Variants in ANKS1B observed in about 807,000 individuals in gnomAD.
The protein encoded by ANKS1B is ankyrin repeat and sterile alpha motif domain containing 1B, also known as ankyrin repeat and sterile alpha motif domain-containing protein 1B.
In ANKS1B, 36 loss-of-function variants were observed where a neutral mutation model predicts 148.3. That is an observed-to-expected ratio of 0.24 (90% CI 0.19 to 0.32). The LOEUF (loss-of-function observed/expected upper bound fraction) is 0.32, where lower values mean the gene tolerates loss of function less well. Ranked by LOEUF, ANKS1B falls within the 10% of genes least tolerant of loss-of-function variation. The pLI is 1.00. For synonymous variants in ANKS1B, 542 were observed against 560.8 expected, an observed-to-expected ratio of 0.97 and a Z score of 0.47; for missense variants, 1,157 against 1,542.6, an observed-to-expected ratio of 0.75 and a Z score of 4.19.
chr12:99,493,352 A>G (rs11610344), intron 10 of ANKS1B, among the ~76,000 whole-genome samples: 27,806 of 152,134 alleles, frequency 0.18, 2,637 homozygotes, highest in African/African-American at 0.23. Flanking sequence ...TCTACAAAGA[A>G]GATACAATCT....
At chr12:99,333,854 G>GTTTTTTT (rs10526476) in intron 12 of ANKS1B, among the ~76,000 whole-genome samples, 2,456 of 107,294 alleles carry the variant, frequency 0.023, 261 homozygotes, top group African/African-American at 0.093. Context: ...CCAGTTCTCA[G>GTTTTTTT]TTTTTTTTTT....
chr12:99,053,018 G>T, intron 17 of ANKS1B, 139 bp downstream of exon 17: 1 of 757,530 alleles, frequency 1.3e-6, no homozygotes, highest in Non-Finnish European at 2.0e-6. Flanking sequence ...TGACTCTGGA[G>T]CTTGAGAGAG....
At chr12:98,826,530 G>C (rs1312719997) in intron 19 of ANKS1B, among the ~76,000 whole-genome samples, 1 of 151,928 alleles carries the variant, frequency 6.6e-6, no homozygotes, top group East Asian at 1.9e-4. Flanking sequence ...TTCTGGCCCA[G>C]GGCTAGAATT....
At chr12:99,659,077 T>C (rs1357008625) in intron 8 of ANKS1B, among the ~76,000 whole-genome samples, 2 of 152,182 alleles carry the variant, frequency 1.3e-5, no homozygotes, top group African/African-American at 2.4e-5. Context: ...AATATCAAGA[T>C]TGCCATTTTA....
chr12:99,508,903 T>G (rs1033786526), intron 9 of ANKS1B, among the ~76,000 whole-genome samples: 2 of 151,920 alleles, frequency 1.3e-5, no homozygotes, highest in Non-Finnish European at 2.9e-5. Context: ...TAAAGATTTA[T>G]GGCAACCGGG....
At chr12:99,083,983 T>A (rs1268919493) in intron 16 of ANKS1B, 1 of 152,170 alleles carries the variant, frequency 6.6e-6, no homozygotes, top group Non-Finnish European at 1.5e-5. Context: ...TGCCTCTTCC[T>A]TTAGGCTACT....
chr12:99,604,095 A>G (rs1328513315), intron 9 of ANKS1B, among the ~76,000 whole-genome samples: 2 of 152,138 alleles, frequency 1.3e-5, no homozygotes, highest in Non-Finnish European at 2.9e-5. Context: ...GCAATTAACT[A>G]TAGACAAGAC....
chr12:99,035,433 T>C (rs1379537376), intron 17 of ANKS1B, among the ~76,000 whole-genome samples: 2 of 152,188 alleles, frequency 1.3e-5, no homozygotes, highest in Admixed American at 6.5e-5. Flanking sequence ...TCACTCAGTC[T>C]ATTAGCATTA....
intron 1 of ANKS1B, among the ~76,000 whole-genome samples, chr12:99,847,417 AC>A (rs1266958537): frequency 1.3e-5 from 2 of 152,170 alleles, no homozygotes; most frequent in African/African-American, 4.8e-5. Context: ...TCTGTGTACA[AC>A]CTGGCCATCA....
At chr12:99,381,943 G>A (rs911990999) in intron 12 of ANKS1B, among the ~76,000 whole-genome samples, 2 of 152,098 alleles carry the variant, frequency 1.3e-5, no homozygotes, top group Non-Finnish European at 2.9e-5. Context: ...CTAAATTATG[G>A]CAAAGCAACT....
At position 99,214,643 on chromosome 12, in the gene ANKS1B, T is replaced by C. The variant is rs4520688; in HGVS notation, c.2419+29699A>G. Among the ~76,000 whole-genome samples, 836 of 152,310 alleles carry C rather than the reference T, an allele frequency of 5.5e-3. 48 individuals carry two copies. In the East Asian group the frequency reaches 0.11, roughly 20 times the overall value. The stretch of plus-strand genomic sequence containing the variant: ...CTTTTGCTTTATAAATTACCCAGTC[T>C]CATAGCAGTATGAAAATGGGCTAAT... On this transcript the variant is annotated intron_variant, in intron 14 of 26. Transcript: ENST00000683438.
chr12:99,347,966 C>T (rs936528988), intron 12 of ANKS1B, among the ~76,000 whole-genome samples: 1 of 151,642 alleles, frequency 6.6e-6, no homozygotes, highest in Non-Finnish European at 1.5e-5. Flanking sequence ...ATATATGAAA[C>T]CAATGTCTCA....
At chr12:99,708,020 G>A (rs1004790652) in intron 8 of ANKS1B, among the ~76,000 whole-genome samples, 11 of 152,022 alleles carry the variant, frequency 7.2e-5, no homozygotes, top group South Asian at 6.2e-4. Context: ...TAAGCAATGC[G>A]GAGGTTAACC....
intron 1 of ANKS1B, among the ~76,000 whole-genome samples, chr12:99,946,138 T>C (rs1603481240): frequency 6.6e-6 from 1 of 151,626 alleles, no homozygotes; most frequent in South Asian, 2.1e-4. Context: ...ATAGACAGAG[T>C]TTTTAAAAAG....
chr12:98,749,099 A>T (rs2097992284), intron 26 of ANKS1B, among the ~76,000 whole-genome samples: 1 of 151,670 alleles, frequency 6.6e-6, no homozygotes, highest in Admixed American at 6.6e-5. Flanking sequence ...TGTGCATGAA[A>T]CTTACATTTT....
At chr12:99,379,766 A>C (rs909362030) in intron 12 of ANKS1B, among the ~76,000 whole-genome samples, 2 of 152,244 alleles carry the variant, frequency 1.3e-5, no homozygotes, top group Non-Finnish European at 2.9e-5. Context: ...ACGATAATTT[A>C]ATGACAATAA....
chr12:99,131,438 G>A (rs1174772679), intron 15 of ANKS1B, among the ~76,000 whole-genome samples: 1 of 152,174 alleles, frequency 6.6e-6, no homozygotes, highest in African/African-American at 2.4e-5. Context: ...CAAAGTCTGA[G>A]GGTCCCAGGA....
chr12:98,841,716 C>T (rs201396), intron 17 of ANKS1B, among the ~76,000 whole-genome samples: 51,321 of 151,750 alleles, frequency 0.34, 10,279 homozygotes, highest in South Asian at 0.6. Flanking sequence ...ATAAGGAAAG[C>T]AGAGGTTGAG....
intron 8 of ANKS1B, among the ~76,000 whole-genome samples, chr12:99,747,495 C>T (rs1235433473): frequency 2.0e-5 from 3 of 152,122 alleles, no homozygotes; most frequent in Non-Finnish European, 4.4e-5. Flanking sequence ...CTTCCTCTCC[C>T]TCTGCTCAAA....
Sources: gnomAD v4.1 joint callset for allele counts (sites outside exome capture counted in the v4.1 genomes callset) on GRCh38, gnomAD v4.1.1 for gene constraint, MANE v1.5 for transcripts, NCBI Gene and HGNC (gene_info 2026-07-23, HGNC 2026-07-21) for gene names.